The following PTPRK variants were observed in gnomAD, a reference collection of about 807,000 sequenced individuals.
The protein encoded by PTPRK is receptor-type tyrosine-protein phosphatase kappa.
Under a neutral mutation model 178.0 loss-of-function variants are expected in PTPRK, and 75 were observed. The ratio of observed to expected loss-of-function variants is 0.42; its 90% CI spans 0.35 to 0.51. PTPRK has a LOEUF of 0.51. Ranked by LOEUF, PTPRK falls within the 20% of genes least tolerant of loss-of-function variation. The pLI, the probability that PTPRK is intolerant of heterozygous loss-of-function variation, is 0.02. For synonymous variants in PTPRK, 637 were observed against 620.6 expected (o/e 1.03, Z -0.39); for missense variants, 1,441 against 1,797.8 (o/e 0.80, Z 3.59).
At chr6:128,245,542 CA>C (rs1342412408) in intron 3 of PTPRK, among the ~76,000 whole-genome samples, 5 of 152,108 alleles carry the variant, frequency 3.3e-5, no homozygotes, top group South Asian at 4.1e-4. Flanking sequence ...AAACTACCTG[CA>C]TTACTTCTTT....
intron 1 of PTPRK, among the ~76,000 whole-genome samples, chr6:128,486,255 T>C (rs1852859028): frequency 6.6e-6 from 1 of 152,124 alleles, no homozygotes; most frequent in Non-Finnish European, 1.5e-5. Flanking sequence ...TATTAATGTA[T>C]TACTTAATAA....
chr6:128,291,649 A>G (rs1482172676), intron 3 of PTPRK, among the ~76,000 whole-genome samples: 3 of 152,146 alleles, frequency 2.0e-5, no homozygotes, highest in African/African-American at 7.2e-5. Context: ...TGCTGTGGTT[A>G]TAATGAGCAA....
chr6:128,461,093 A>AC (rs1156625415), intron 1 of PTPRK, among the ~76,000 whole-genome samples: 1 of 152,184 alleles, frequency 6.6e-6, no homozygotes, highest in Non-Finnish European at 1.5e-5. Context: ...CTTATAATGG[A>AC]CCAATTTAAT....
intron 7 of PTPRK, among the ~76,000 whole-genome samples, chr6:128,106,645 C>T (rs1347878520): frequency 6.6e-6 from 1 of 152,166 alleles, no homozygotes; most frequent in African/African-American, 2.4e-5. Flanking sequence ...CCTACCCACT[C>T]ATTTTCATAC....
At chr6:128,070,025 G>A (rs1782545730) in intron 11 of PTPRK, among the ~76,000 whole-genome samples, 1 of 151,970 alleles carries the variant, frequency 6.6e-6, no homozygotes, top group Non-Finnish European at 1.5e-5. Flanking sequence ...AATTTTATAA[G>A]TTCTAAAATA....
intron 2 of PTPRK, among the ~76,000 whole-genome samples, chr6:128,374,342 C>A (rs571708771): frequency 6.6e-6 from 1 of 152,224 alleles, no homozygotes; most frequent in Admixed American, 6.5e-5. Flanking sequence ...ACCATCTATA[C>A]AATAAAGACT....
chr6:128,210,743 A>C (rs1807993001), intron 6 of PTPRK, among the ~76,000 whole-genome samples: 1 of 152,112 alleles, frequency 6.6e-6, no homozygotes, highest in Admixed American at 6.6e-5. Flanking sequence ...TGGAGGAGGT[A>C]GCATGGCAAC....
chr6:128,000,066 T>A (rs1396548761), intron 15 of PTPRK: 2 of 973,340 alleles, frequency 2.1e-6, no homozygotes, highest in Non-Finnish European at 2.4e-6. Flanking sequence ...TTATCACATT[T>A]AAACTTACCA....
chr6:128,440,342 A>G (rs911292225), intron 1 of PTPRK, among the ~76,000 whole-genome samples: 1 of 152,170 alleles, frequency 6.6e-6, no homozygotes, highest in Non-Finnish European at 1.5e-5. Context: ...TAAGGATTCA[A>G]TGCTATGCAA....
intron 7 of PTPRK, among the ~76,000 whole-genome samples, chr6:128,106,620 A>G (rs546902900): frequency 1.8e-3 from 274 of 152,272 alleles, no homozygotes; most frequent in Non-Finnish European, 3.1e-3. Context: ...TTTCCTCTAA[A>G]CCAAATCCCT....
At chr6:128,153,978 A>C (rs1040356661) in intron 7 of PTPRK, among the ~76,000 whole-genome samples, 2 of 151,872 alleles carry the variant, frequency 1.3e-5, no homozygotes, top group East Asian at 3.9e-4. Flanking sequence ...AATACTGTCA[A>C]TAATAATGAT....
intron 3 of PTPRK, among the ~76,000 whole-genome samples, chr6:128,286,884 C>T (rs570473537): frequency 6.6e-6 from 1 of 152,230 alleles, no homozygotes; most frequent in East Asian, 1.9e-4. Context: ...CTATCCAATA[C>T]TTTGTGTATT....
intron 2 of PTPRK, among the ~76,000 whole-genome samples, chr6:128,395,925 C>T (rs902879407): frequency 2.6e-5 from 4 of 151,936 alleles, no homozygotes; most frequent in Non-Finnish European, 5.9e-5. Context: ...CACGGGGGAA[C>T]CAACACAAAA....
At chr6:128,463,912 C>T (rs757537849) in intron 1 of PTPRK, among the ~76,000 whole-genome samples, 7 of 151,724 alleles carry the variant, frequency 4.6e-5, no homozygotes, top group Non-Finnish European at 1.0e-4. Context: ...CCACCACACC[C>T]GGGTAATTTT....
At chr6:128,417,075 G>A (rs1364954519) in intron 1 of PTPRK, among the ~76,000 whole-genome samples, 1 of 150,576 alleles carries the variant, frequency 6.6e-6, no homozygotes, top group African/African-American at 2.4e-5. Flanking sequence ...TATATATACT[G>A]TAAAGTAGGA....
intron 7 of PTPRK, among the ~76,000 whole-genome samples, chr6:128,116,895 C>A (rs1372646585): frequency 6.6e-6 from 1 of 152,138 alleles, no homozygotes; most frequent in African/African-American, 2.4e-5. Context: ...GCCTGTAATC[C>A]CAGCACTTTG....
chr6:128,284,443 G>A (rs772576505), intron 3 of PTPRK, among the ~76,000 whole-genome samples: 5 of 152,168 alleles, frequency 3.3e-5, no homozygotes, highest in Non-Finnish European at 5.9e-5. Context: ...TGACCCATGT[G>A]TGTTTGTTCT....
intron 7 of PTPRK, among the ~76,000 whole-genome samples, chr6:128,127,728 C>A (rs1793608124): frequency 6.6e-6 from 1 of 152,150 alleles, no homozygotes; most frequent in Non-Finnish European, 1.5e-5. Flanking sequence ...TCTGACTAAG[C>A]AGAATATTGA....
rs1262664143 is a variant in PTPRK at position 127,970,160 on chromosome 6, A to G, written c.*67T>C. ...ATCTTTCTGCACAAGTGTAACAGGT[A>G]CAACAGCTGCTGGCTCAATAGATGG... On this transcript the variant is annotated 3_prime_UTR_variant, in exon 30 of 30. Coordinates refer to ENST00000368226, the MANE Select transcript of PTPRK (RefSeq NM_002844.4). 7.6e-6 allele frequency: 10 copies of G among 1,319,780 alleles called. No homozygotes were observed. The East Asian group carries it at 1.5e-4, about 19-fold the overall frequency. 81.8% of individuals were successfully genotyped at this position (1,319,780 alleles called of 1,614,324 possible).
Sources: allele counts gnomAD v4.1 joint callset (sites outside exome capture counted in the v4.1 genomes callset), GRCh38; gene constraint gnomAD v4.1.1; transcripts MANE v1.5; gene names NCBI Gene and HGNC (gene_info 2026-07-23, HGNC 2026-07-21).